Variants in ZNF714 observed in about 807,000 individuals in gnomAD.
The protein encoded by ZNF714 is zinc finger protein 714.
ZNF714 carries 32 observed loss-of-function variants against 46.2 expected under a neutral mutation model. That is an observed-to-expected ratio of 0.69 (90% CI 0.52 to 0.93). The LOEUF (loss-of-function observed/expected upper bound fraction) is 0.93, where lower values mean the gene tolerates loss of function less well. Ranked by LOEUF, ZNF714 falls within the 40% of genes least tolerant of loss-of-function variation. The pLI, the probability that ZNF714 is intolerant of heterozygous loss-of-function variation, is 0.00. For missense variants in ZNF714, 635 were observed against 646.3 expected (o/e 0.98, Z 0.19); for synonymous variants, 199 against 213.1 (o/e 0.93, Z 0.58).
At chr19:21,082,465 A>C in intron 1 of ZNF714, 117 bp downstream of exon 1, 5 of 1,063,688 alleles carry the variant, frequency 4.7e-6, no homozygotes, top group Non-Finnish European at 6.7e-6. Context: ...CTGCGCCCGG[A>C]GTTCTCCTTG....
intron 2 of ZNF714, among the ~76,000 whole-genome samples, chr19:21,085,136 G>C (rs143515377): frequency 1.3e-5 from 2 of 152,224 alleles, no homozygotes; most frequent in East Asian, 3.9e-4. Flanking sequence ...CCGAGGAAAA[G>C]AATAGGGAAA....
intron 4 of ZNF714, among the ~76,000 whole-genome samples, chr19:21,105,671 T>C (rs946874868): frequency 1.3e-5 from 2 of 152,086 alleles, no homozygotes; most frequent in Non-Finnish European, 2.9e-5. Flanking sequence ...GAAATATTTT[T>C]TGGCCAGGCG....
At chr19:21,107,967 A>C (rs1244529558) in intron 4 of ZNF714, among the ~76,000 whole-genome samples, 1 of 152,196 alleles carries the variant, frequency 6.6e-6, no homozygotes, top group Admixed American at 6.5e-5. Context: ...TTTATCACCC[A>C]TGCTGGAGTA....
chr19:21,103,320 A>G (rs1176180193), intron 4 of ZNF714, among the ~76,000 whole-genome samples: 1 of 152,084 alleles, frequency 6.6e-6, no homozygotes, highest in Non-Finnish European at 1.5e-5. Flanking sequence ...TTGGAGGCTG[A>G]GGCAGGCAGC....
At chr19:21,083,394 G>A (rs1055488375) in intron 1 of ZNF714, among the ~76,000 whole-genome samples, 4 of 152,032 alleles carry the variant, frequency 2.6e-5, no homozygotes, top group African/African-American at 9.7e-5. Flanking sequence ...ATTTCCCGCC[G>A]CTTAATTATT....
intron 4 of ZNF714, among the ~76,000 whole-genome samples, chr19:21,107,853 T>C (rs1189626763): frequency 6.6e-6 from 1 of 152,184 alleles, no homozygotes; most frequent in Non-Finnish European, 1.5e-5. Flanking sequence ...TTCTTGGATT[T>C]GCCAGTTTTA....
rs2063077705 is a variant in ZNF714, at chr19:21,116,971, A to G, written c.307A>G (p.Asn103Asp). The part of the protein sequence containing the change: ...VECKVYKKGY[N>D]ELNQCLTTTQ... ...GTGTAAGGTGTACAAAAAAGGTTAT[A>G]ATGAACTAAACCAGTGTTTGACAAC... is the stretch of plus-strand genomic sequence containing the variant. The change falls in exon 5 of 5, where the codon AAT becomes GAT. Residue 103 changes from asparagine to aspartate, a missense_variant. Asn to Asp is a conservative substitution (Grantham distance 23). Transcript: ENST00000456283. The G allele has an allele frequency of 7.5e-7, 1 of 1,336,554 alleles. No individual in the cohort carries two copies. Among genetic ancestry groups the G allele is most frequent in the South Asian group, 1.4e-5 (1 of 70,502 alleles). The allele number at this position is 1,336,554 out of a possible 1,614,324, so 82.8% of individuals were successfully genotyped here. A position where few individuals can be genotyped will look rare whatever the true frequency, so the allele number is the denominator to read the frequency against.
chr19:21,103,374 G>A (rs775434147), intron 4 of ZNF714, among the ~76,000 whole-genome samples: 13 of 151,948 alleles, frequency 8.6e-5, no homozygotes, highest in South Asian at 2.1e-4. Context: ...TCAACATGGT[G>A]AAACCCTGTC....
intron 4 of ZNF714, among the ~76,000 whole-genome samples, chr19:21,110,704 G>T (rs1256446280): frequency 1.3e-5 from 2 of 152,130 alleles, no homozygotes; most frequent in Admixed American, 1.3e-4. Context: ...TTATTTTAGG[G>T]TTCTTGTAGT....
intron 1 of ZNF714, among the ~76,000 whole-genome samples, 165 bp downstream of exon 1, chr19:21,082,513 C>A (rs1052424172): frequency 6.7e-6 from 1 of 149,170 alleles, no homozygotes; most frequent in Non-Finnish European, 1.5e-5. Flanking sequence ...CATAAGATGG[C>A]GGCTGCGCTG....
intron 2 of ZNF714, among the ~76,000 whole-genome samples, chr19:21,085,298 T>C (rs1278203740): frequency 1.3e-5 from 2 of 152,204 alleles, no homozygotes; most frequent in African/African-American, 2.4e-5. Flanking sequence ...TCACATCCTG[T>C]TATCTTGATT....
chr19:21,097,162 G>A (rs577382399), intron 2 of ZNF714, among the ~76,000 whole-genome samples: 44 of 152,010 alleles, frequency 2.9e-4, no homozygotes, highest in Non-Finnish European at 5.1e-4. Context: ...CACCACGCCC[G>A]GCCTGTTCAG....
At position 21,112,816 on chromosome 19, in the gene ZNF714, A is replaced by ATTTTTTTTT. The variant is rs74172391; in HGVS notation, c.143-3975_143-3967dup. Among the ~76,000 whole-genome samples the ATTTTTTTTT allele has an allele frequency of 1.7e-3, 73 of 43,208 alleles. 14 individuals are homozygous for ATTTTTTTTT. The highest frequency in any genetic ancestry group is 4.5e-3 in the African/African-American group (58 of 12,926). 28.3% of individuals were successfully genotyped at this position (43,208 alleles called of 152,430 possible). ...GTTTCAAATAGTTTTTTTATTTCTG[A>ATTTTTTTTT]TTTTTTTTTTTTTTTTTTTTTTTTG... On this transcript the variant is annotated intron_variant, in intron 4 of 4. Coordinates refer to ENST00000456283, the MANE Select transcript of ZNF714 (RefSeq NM_182515.4).
intron 2 of ZNF714, among the ~76,000 whole-genome samples, chr19:21,087,245 A>C (rs1477825617): frequency 1.5e-5 from 2 of 129,374 alleles, no homozygotes; most frequent in Non-Finnish European, 3.4e-5. Flanking sequence ...AAAAAAAAAA[A>C]ACATGATCGA....
rs1968833475 is a variant in ZNF714 at position 21,088,356 on chromosome 19, T to G, written c.-85+4287T>G. 2.6e-5 allele frequency among the ~76,000 whole-genome samples: 4 copies of G among 152,302 alleles called. No homozygotes were observed. The South Asian group carries it at 8.3e-4, about 32-fold the overall frequency. On this transcript the variant is annotated intron_variant, in intron 2 of 4. Coordinates refer to ENST00000456283, the MANE Select transcript of ZNF714 (RefSeq NM_182515.4). Reference sequence around the variant, plus strand: ...AACATCTTTTCTTATATAAAATCTCTTTTCTTTATAACCTTTGTATATTTA... The same window carrying G: ...AACATCTTTTCTTATATAAAATCTCGTTTCTTTATAACCTTTGTATATTTA...
At chr19:21,086,553 T>C (rs566544807) in intron 2 of ZNF714, among the ~76,000 whole-genome samples, 2 of 152,284 alleles carry the variant, frequency 1.3e-5, no homozygotes, top group African/African-American at 4.8e-5. Flanking sequence ...AGTGTAGCAG[T>C]GAGGGTGACC....
At chr19:21,098,952 A>T in intron 4 of ZNF714, 42 bp downstream of exon 4, 1 of 1,131,526 alleles carries the variant, frequency 8.8e-7, no homozygotes. Context: ...GATGAGAGGT[A>T]CAAAGGTAAA....
At chr19:21,083,424 T>G (rs1436689208) in intron 1 of ZNF714, among the ~76,000 whole-genome samples, 1 of 152,190 alleles carries the variant, frequency 6.6e-6, no homozygotes, top group Non-Finnish European at 1.5e-5. Context: ...CATGGGGAAC[T>G]GATTTTCTGG....
chr19:21,115,158 CATT>C (rs1448546855), intron 4 of ZNF714, among the ~76,000 whole-genome samples: 1 of 151,674 alleles, frequency 6.6e-6, no homozygotes, highest in Non-Finnish European at 1.5e-5. Context: ...AATTTTTTCT[CATT>C]ATATCTGCCC....
Sources: gnomAD v4.1 joint callset for allele counts (sites outside exome capture counted in the v4.1 genomes callset) on GRCh38, gnomAD v4.1.1 for gene constraint, MANE v1.5 for transcripts, NCBI Gene and HGNC (gene_info 2026-07-23, HGNC 2026-07-21) for gene names.